RFX7: variants seen among roughly 807,000 people sequenced by gnomAD.
The protein encoded by RFX7 is regulatory factor X7.
Under a neutral mutation model 111.8 loss-of-function variants are expected in RFX7, and 26 were observed. The ratio of observed to expected loss-of-function variants is 0.23; its 90% CI spans 0.17 to 0.32. The LOEUF (loss-of-function observed/expected upper bound fraction) is 0.32. Ranked by LOEUF, RFX7 falls within the 10% of genes least tolerant of loss-of-function variation. The probability of loss-of-function intolerance (pLI) is 1.00; values close to 1 mark genes in which losing one functional copy is unlikely to be tolerated. For synonymous variants in RFX7, 624 were observed against 624.4 expected (o/e 1.00, Z 0.01); for missense variants, 1,573 against 1,772.9 (o/e 0.89, Z 2.02).
chr15:56,168,926 A>G (rs2042812612), intron 3 of RFX7, among the ~76,000 whole-genome samples: 1 of 152,192 alleles, frequency 6.6e-6, no homozygotes, highest in South Asian at 2.1e-4. Context: ...CATTGCAGTT[A>G]TTGCAATACT....
chr15:56,105,357 T>C (rs1243079136), intron 5 of RFX7, among the ~76,000 whole-genome samples: 8 of 152,230 alleles, frequency 5.3e-5, no homozygotes, highest in African/African-American at 1.9e-4. Context: ...AGCAGGGCAG[T>C]GACCATACCT....
chr15:56,198,672 T>C (rs552588900), intron 2 of RFX7, among the ~76,000 whole-genome samples: 2 of 152,270 alleles, frequency 1.3e-5, no homozygotes, highest in African/African-American at 4.8e-5. Flanking sequence ...TATCCACCAG[T>C]AGCCATAAGG....
chr15:56,154,557 C>T (rs2042623046), intron 3 of RFX7, among the ~76,000 whole-genome samples: 2 of 152,108 alleles, frequency 1.3e-5, no homozygotes, highest in African/African-American at 2.4e-5. Flanking sequence ...ATAAATGGTG[C>T]TGGGAAAACT....
At chr15:56,208,892 A>G (rs886833403) in intron 2 of RFX7, among the ~76,000 whole-genome samples, 10 of 152,092 alleles carry the variant, frequency 6.6e-5, no homozygotes, top group Non-Finnish European at 8.8e-5. Context: ...AAAACCCAGA[A>G]CAGAGTATCC....
intron 2 of RFX7, among the ~76,000 whole-genome samples, chr15:56,184,932 T>C (rs1023853174): frequency 1.3e-5 from 2 of 152,214 alleles, no homozygotes; most frequent in Non-Finnish European, 2.9e-5. Context: ...TTTATCTATG[T>C]ATCTTTTTAA....
intron 2 of RFX7, among the ~76,000 whole-genome samples, chr15:56,234,040 T>C (rs991990081): frequency 3.9e-5 from 6 of 152,230 alleles, no homozygotes; most frequent in Admixed American, 2.6e-4. Context: ...CAAGTAAGTA[T>C]ACTGTTAAGT....
chr15:56,146,843 A>G (rs2042480966), intron 3 of RFX7, among the ~76,000 whole-genome samples: 1 of 152,200 alleles, frequency 6.6e-6, no homozygotes, highest in African/African-American at 2.4e-5. Flanking sequence ...GATAATAACA[A>G]AATTCTATAA....
rs911534359 is a variant in RFX7, at chr15:56,095,478, T to C, written c.2250A>G (p.Pro750=). The C allele has an allele frequency of 1.9e-6, 3 of 1,612,556 alleles. No homozygotes were observed. Among genetic ancestry groups the C allele is most frequent in the Admixed American group, 1.7e-5 (1 of 60,022 alleles). The part of the protein sequence containing the change: ...SDSALEQQTT[P]SSSPDIKVKL... The stretch of plus-strand genomic sequence containing the variant: ...TTACTTTTATATCTGGAGATGATGA[T>C]GGGGTTGTTTGCTGTTCCAAAGCTG... The change falls in exon 10 of 10, where the codon CCA becomes CCG. Residue 750 remains proline (P), a synonymous_variant. Transcript: ENST00000559447.
chr15:56,133,659 AAT>A (rs1370080025), intron 5 of RFX7, among the ~76,000 whole-genome samples: 1 of 152,144 alleles, frequency 6.6e-6, no homozygotes, highest in Non-Finnish European at 1.5e-5. Flanking sequence ...TTGTTCTTAA[AAT>A]ATATAGCTAT....
At chr15:56,160,723 T>A (rs749168761) in intron 3 of RFX7, 3 of 152,032 alleles carry the variant, frequency 2.0e-5, no homozygotes, top group African/African-American at 4.8e-5. Context: ...TACCTGATAT[T>A]ATATTCTCTC....
intron 2 of RFX7, among the ~76,000 whole-genome samples, chr15:56,210,128 T>A (rs917090820): frequency 1.3e-5 from 2 of 151,932 alleles, no homozygotes; most frequent in African/African-American, 4.8e-5. Flanking sequence ...TAAAAGTATA[T>A]GGATGGAAAA....
At chr15:56,190,312 G>A (rs536321177) in intron 2 of RFX7, among the ~76,000 whole-genome samples, 2 of 152,304 alleles carry the variant, frequency 1.3e-5, no homozygotes, top group East Asian at 3.9e-4. Flanking sequence ...AGCCATGGGT[G>A]TCTGTCAGCA....
In RFX7 at chr15:56,128,597, T is replaced by C. The variant is rs200903485; in HGVS notation, c.401+14181A>G. Among the ~76,000 whole-genome samples, 9 of 152,062 alleles carry C rather than the reference T, an allele frequency of 5.9e-5. No individual in the cohort carries two copies. In the East Asian group the frequency reaches 1.7e-3, roughly 29 times the overall value. ...CATCGATAAAAACCCACAGATAATATCATACTTAATGGCAAAAGACTGAAA... is the reference window on the plus strand; with the variant it reads ...CATCGATAAAAACCCACAGATAATACCATACTTAATGGCAAAAGACTGAAA... On this transcript the variant is annotated intron_variant, in intron 5 of 9. Coordinates refer to ENST00000559447, the MANE Select transcript of RFX7 (RefSeq NM_022841.7).
chr15:56,101,843 T>C lies in RFX7; in HGVS notation c.604-277A>G, dbSNP rs558974778. 2.6e-3 allele frequency among the ~76,000 whole-genome samples: 397 copies of C among 152,318 alleles called. 2 individuals are homozygous for C. The highest frequency in any genetic ancestry group is 3.4e-3 in the Non-Finnish European group (232 of 68,008). ...TTGAATCTTTCTAATGTCAAAACTATGCCAATAGCCACACATTTTTTCTAA... is the reference window on the plus strand; with the variant it reads ...TTGAATCTTTCTAATGTCAAAACTACGCCAATAGCCACACATTTTTTCTAA... On this transcript the variant is annotated intron_variant, in intron 7 of 9. Transcript: ENST00000559447.
chr15:56,237,497 T>C (rs1456437908), intron 2 of RFX7, among the ~76,000 whole-genome samples: 3 of 152,218 alleles, frequency 2.0e-5, no homozygotes, highest in Non-Finnish European at 4.4e-5. Flanking sequence ...AATATTATTT[T>C]CTAATGGAAA....
intron 5 of RFX7, among the ~76,000 whole-genome samples, chr15:56,135,610 T>C (rs1351276448): frequency 6.6e-6 from 1 of 152,062 alleles, no homozygotes; most frequent in Non-Finnish European, 1.5e-5. Flanking sequence ...GCAGAAGCTC[T>C]TTAGTTTAAT....
At position 56,243,588 on chromosome 15, in the gene RFX7, C is replaced by A. The variant is rs1245142638; in HGVS notation, c.-146G>T. 7.1e-6 allele frequency: 5 copies of A among 699,316 alleles called. No homozygotes were observed. The South Asian group carries it at 3.2e-4, about 45-fold the overall frequency. 43.3% of individuals were successfully genotyped at this position (699,316 alleles called of 1,614,324 possible). On this transcript the variant is annotated 5_prime_UTR_variant, in exon 1 of 10. Transcript: ENST00000559447. ...CCCCGCTGGCGCCGCCGCCTCCTCC[C>A]GTCAGCGGCCGGGGCTGTGGGGGGG...
At chr15:56,192,760 T>A (rs1315740405) in intron 2 of RFX7, 2 of 223,398 alleles carry the variant, frequency 9.0e-6, no homozygotes, top group Non-Finnish European at 2.0e-5. Flanking sequence ...ACAAATTTCA[T>A]CAGGGGCACT....
intron 2 of RFX7, among the ~76,000 whole-genome samples, chr15:56,235,734 A>C (rs2141240157): frequency 6.6e-6 from 1 of 152,318 alleles, no homozygotes; most frequent in East Asian, 1.9e-4. Context: ...CCTTGCTAGA[A>C]ATATCACTAA....
Sources: gnomAD v4.1 joint callset for allele counts (sites outside exome capture counted in the v4.1 genomes callset) on GRCh38, gnomAD v4.1.1 for gene constraint, MANE v1.5 for transcripts, NCBI Gene and HGNC (gene_info 2026-07-23, HGNC 2026-07-21) for gene names.